The following TEKT5 variants were observed in gnomAD, a reference collection of about 807,000 sequenced individuals.
TEKT5 encodes tektin 5.
Under a neutral mutation model 48.7 loss-of-function variants are expected in TEKT5, and 52 were observed. That is an observed-to-expected ratio of 1.07 (90% confidence interval 0.86 to 1.35). The LOEUF is 1.35. Ranked by LOEUF, TEKT5 falls within the 40% of genes most tolerant of loss-of-function variation. The pLI, the probability that TEKT5 is intolerant of heterozygous loss-of-function variation, is 0.00. For synonymous variants in TEKT5, 318 were observed against 267.6 expected (o/e 1.19, Z -1.84); for missense variants, 831 against 641.6 (o/e 1.30, Z -3.19).
intron 6 of TEKT5, among the ~76,000 whole-genome samples, chr16:10,634,821 T>C (rs755620553): frequency 1.3e-5 from 2 of 152,092 alleles, no homozygotes; most frequent in African/African-American, 4.8e-5. Context: ...CCAACAAGCA[T>C]GGGAGTGAGC....
chr16:10,679,247 G>T (rs1382783602), intron 4 of TEKT5, among the ~76,000 whole-genome samples: 1 of 152,016 alleles, frequency 6.6e-6, no homozygotes, highest in African/African-American at 2.4e-5. Flanking sequence ...CAAACACCAG[G>T]TAAAAGGTGT....
chr16:10,648,559 C>T (rs921083884), intron 5 of TEKT5, among the ~76,000 whole-genome samples: 16 of 152,064 alleles, frequency 1.1e-4, no homozygotes, highest in African/African-American at 2.4e-4. Flanking sequence ...CTCGAACTCC[C>T]GGCCTCGAGT....
intron 2 of TEKT5, among the ~76,000 whole-genome samples, 198 bp from the exon 3 acceptor site, chr16:10,689,521 C>CT (rs35713504): frequency 0.11 from 11,431 of 105,290 alleles, 732 homozygotes; most frequent in Non-Finnish European, 0.12. Context: ...GAGGCTCCAC[C>CT]TTTTTTTTTT....
chr16:10,637,227 G>C (rs145631190), intron 5 of TEKT5, among the ~76,000 whole-genome samples: 2,091 of 151,828 alleles, frequency 0.014, 54 homozygotes, highest in African/African-American at 0.048. Flanking sequence ...GTACAGATGG[G>C]GTTTCGCCAT....
intron 5 of TEKT5, among the ~76,000 whole-genome samples, chr16:10,657,410 G>T (rs559080771): frequency 6.6e-6 from 1 of 152,058 alleles, no homozygotes; most frequent in Non-Finnish European, 1.5e-5. Flanking sequence ...TTACAGGCAT[G>T]AGCCACCATG....
chr16:10,660,413 G>T (rs1367970512), intron 5 of TEKT5, among the ~76,000 whole-genome samples: 4 of 152,028 alleles, frequency 2.6e-5, no homozygotes, highest in African/African-American at 9.7e-5. Flanking sequence ...TCTGTGCAGG[G>T]TGTCCTGGAG....
intron 3 of TEKT5, among the ~76,000 whole-genome samples, chr16:10,688,792 G>T (rs2142314627): frequency 6.6e-6 from 1 of 152,322 alleles, no homozygotes; most frequent in South Asian, 2.1e-4. Context: ...CTGGCTCAAT[G>T]CGTCCACCAG....
chr16:10,651,947 G>A (rs1291597990), intron 5 of TEKT5, among the ~76,000 whole-genome samples: 2 of 152,110 alleles, frequency 1.3e-5, no homozygotes, highest in African/African-American at 2.4e-5. Context: ...GGGCAACAGA[G>A]CAAGACTCCA....
intron 1 of TEKT5, among the ~76,000 whole-genome samples, chr16:10,693,613 T>G (rs1899020208): frequency 6.6e-6 from 1 of 152,180 alleles, no homozygotes; most frequent in African/African-American, 2.4e-5. Context: ...ATCTCTACCT[T>G]GATGGAGACT....
rs1434877058 is a variant in TEKT5 at position 10,694,557 on chromosome 16, T to G, written c.317A>C (p.Glu106Ala). ...QSNQLQVRGA[E>A]ASRLWASRLT... ...CCGGCTGGCCCACAGCCGGGAGGCC[T>G]CGGCCCCACGCACCTGCAGCTGGTT... The change falls in exon 1 of 7, where the codon GAG becomes GCG. Residue 106 changes from glutamate (E) to alanine (A), a missense_variant. By Grantham distance (107) the Glu-to-Ala change is moderately radical. Transcript: ENST00000283025. The G allele has an allele frequency of 1.2e-6, 2 of 1,603,100 alleles. No homozygotes were observed. Among genetic ancestry groups the G allele is most frequent in the Non-Finnish European group, 8.5e-7 (1 of 1,174,592 alleles).
intron 5 of TEKT5, among the ~76,000 whole-genome samples, chr16:10,640,064 T>C (rs1030437386): frequency 3.2e-5 from 3 of 94,164 alleles, no homozygotes; most frequent in African/African-American, 1.9e-4. Flanking sequence ...CCTCCTCCTT[T>C]TTCTTTCTCC....
chr16:10,657,236 C>T (rs1898277152), intron 5 of TEKT5, among the ~76,000 whole-genome samples: 1 of 151,908 alleles, frequency 6.6e-6, no homozygotes, highest in African/African-American at 2.4e-5. Context: ...AGCGATTCTC[C>T]TGCCTCAGCC....
At position 10,634,277 on chromosome 16, in the gene TEKT5, T is replaced by C. The variant is rs567917700; in HGVS notation, c.1241+1487A>G. 8.5e-5 allele frequency among the ~76,000 whole-genome samples: 13 copies of C among 152,282 alleles called. No homozygotes were observed. The South Asian group carries it at 2.7e-3, about 32-fold the overall frequency. ...AAGTTCAAGGGATTGCAGTTAGCCATCAGGGTGAACTTCCCTTGCTGTAGG... is the reference window on the plus strand; with the variant it reads ...AAGTTCAAGGGATTGCAGTTAGCCACCAGGGTGAACTTCCCTTGCTGTAGG... On this transcript the variant is annotated intron_variant, in intron 6 of 6. Transcript: ENST00000283025.
chr16:10,662,601 C>T (rs1327793841), intron 5 of TEKT5, among the ~76,000 whole-genome samples: 1 of 152,232 alleles, frequency 6.6e-6, no homozygotes, highest in African/African-American at 2.4e-5. Context: ...CTGTGCTGCC[C>T]ATTGCTTTCT....
chr16:10,633,759 T>A (rs1450597083), intron 6 of TEKT5, among the ~76,000 whole-genome samples: 1 of 152,150 alleles, frequency 6.6e-6, no homozygotes, highest in Non-Finnish European at 1.5e-5. Flanking sequence ...TTGTCCAGGC[T>A]GGTCTCAAAC....
intron 5 of TEKT5, among the ~76,000 whole-genome samples, chr16:10,639,532 T>G (rs116145494): frequency 0.022 from 3,422 of 152,172 alleles, 131 homozygotes; most frequent in African/African-American, 0.079. Flanking sequence ...TGCCCTCCCA[T>G]CAAGTGTGTG....
chr16:10,650,082 T>G (rs1898129850), intron 5 of TEKT5, among the ~76,000 whole-genome samples: 1 of 150,662 alleles, frequency 6.6e-6, no homozygotes, highest in Non-Finnish European at 1.5e-5. Context: ...TTTATTATTA[T>G]TTTTTTTGAG....
At chr16:10,684,317 A>C (rs1898815901) in intron 3 of TEKT5, among the ~76,000 whole-genome samples, 1 of 149,340 alleles carries the variant, frequency 6.7e-6, no homozygotes, top group African/African-American at 2.5e-5. Flanking sequence ...CTGTCTCTCT[A>C]ACCTTTGTCT....
intron 6 of TEKT5, among the ~76,000 whole-genome samples, chr16:10,633,906 A>C (rs978829705): frequency 6.6e-6 from 1 of 151,964 alleles, no homozygotes; most frequent in African/African-American, 2.4e-5. Context: ...CCATTTCCTA[A>C]ATGGTTACTC....
Sources: gnomAD v4.1 joint callset for allele counts (sites outside exome capture counted in the v4.1 genomes callset) on GRCh38, gnomAD v4.1.1 for gene constraint, MANE v1.5 for transcripts, NCBI Gene and HGNC (gene_info 2026-07-23, HGNC 2026-07-21) for gene names.